DSP: variants seen among roughly 807,000 people sequenced by gnomAD.
DSP encodes the protein 250/210 kDa paraneoplastic pemphigus antigen.
A neutral mutation model predicts 290.6 loss-of-function variants in DSP; 114 were observed. The ratio of observed to expected loss-of-function variants is 0.39; its 90% confidence interval spans 0.34 to 0.46. DSP has a LOEUF of 0.46. Ranked by LOEUF, DSP falls within the 20% of genes least tolerant of loss-of-function variation. The pLI is 0.99. For missense variants in DSP, 3,230 were observed against 3,495.8 expected, an observed-to-expected ratio of 0.92 and a Z score of 1.92; for synonymous variants, 1,311 against 1,316.4, an observed-to-expected ratio of 1.00 and a Z score of 0.09.
intron 1 of DSP, among the ~76,000 whole-genome samples, chr6:7,554,180 AAGGT>A (rs1391524969): frequency 6.6e-6 from 1 of 150,514 alleles, no homozygotes; most frequent in Non-Finnish European, 1.5e-5. Context: ...GCCCTGGCTG[AAGGT>A]AGGAAGAGCC....
intron 18 of DSP, among the ~76,000 whole-genome samples, chr6:7,575,710 AG>A (rs1759221212): frequency 6.6e-6 from 1 of 152,226 alleles, no homozygotes; most frequent in South Asian, 2.1e-4. Flanking sequence ...GGTGCCATCC[AG>A]GGTCTTAGAG....
intron 1 of DSP, among the ~76,000 whole-genome samples, chr6:7,548,123 T>C (rs1481457006): frequency 6.6e-6 from 1 of 151,976 alleles, no homozygotes; most frequent in East Asian, 1.9e-4. Context: ...AAAAATTAGC[T>C]GGGCGTGGTG....
chr6:7,585,046 C>T lies in DSP; in HGVS notation c.7784C>T (p.Thr2595Ile), dbSNP rs772951950. The T allele has an allele frequency of 1.6e-5, 26 of 1,614,084 alleles. No individual in the cohort carries two copies. The highest frequency in any genetic ancestry group is 2.0e-5 in the Non-Finnish European group (24 of 1,180,048). Residue 2595 changes from threonine to isoleucine, a missense_variant, in exon 24 of 24, where the codon ACC (threonine) becomes ATC (isoleucine). Around this residue, in one of 5 missense-constraint regions of DSP, gnomAD observed 582 missense variants for 555.4 expected, o/e 1.05. Transcript: ENST00000379802. Reference sequence around the variant, plus strand: ...CATGAATCAGTAAGTAAGATTTCCACCATATCCAGCGTCAGGAATTTAACC... The same window carrying T: ...CATGAATCAGTAAGTAAGATTTCCATCATATCCAGCGTCAGGAATTTAACC... ...SRHESVSKIS[T>I]ISSVRNLTIR...
chr6:7,583,180 A>C lies in DSP; in HGVS notation c.5918A>C (p.Lys1973Thr). 2 of 1,614,144 alleles carry C rather than the reference A, an allele frequency of 1.2e-6. No homozygotes were observed. The highest frequency in any genetic ancestry group is 1.7e-6 in the Non-Finnish European group (2 of 1,180,034). The change falls in exon 24 of 24, where the codon AAG (lysine) becomes ACG (threonine). Residue 1973 changes from lysine to threonine, a missense_variant. Transcript: ENST00000379802. The surrounding 1 kb of genome is among the most constrained non-coding windows in gnomAD (Gnocchi z 4.0). ...TSKLVFDGLR[K>T]KVTAMQLYEC... ...AAGCTGGTGTTTGATGGGCTGAGGA[A>C]GAAGGTGACAGCAATGCAGCTCTAT... is the stretch of plus-strand genomic sequence containing the variant.
rs151153655 is a variant in DSP, at chr6:7,542,061, C to T, written c.146C>T (p.Thr49Ile). ...TACTATTCTCGGCGCGGCGTGATCA[C>T]CGACCAGAACTCGGACGGCTACTGG... ...RMYYSRRGVI[T>I]DQNSDGYCQT... is the part of the protein sequence containing the mutation. Residue 49 changes from threonine (T) to isoleucine (I), a missense_variant, in exon 1 of 24, where the codon ACC becomes ATC. By Grantham distance (89) the Thr-to-Ile change is moderately conservative. This residue lies in a region of DSP where 646 missense variants were observed against 684.3 expected (regional missense o/e 0.94). Transcript: ENST00000379802. The T allele has an allele frequency of 1.3e-5, 20 of 1,568,254 alleles. No individual in the cohort carries two copies. Among genetic ancestry groups the T allele is most frequent in the Non-Finnish European group, 1.7e-5 (20 of 1,156,980 alleles).
Position 7,584,121 on chromosome 6 carries a change from A to G in DSP, c.6859A>G (p.Thr2287Ala). 1.2e-6 allele frequency: 2 copies of G among 1,614,156 alleles called. No homozygotes were observed. Among genetic ancestry groups the G allele is most frequent in the Non-Finnish European group, 1.7e-6 (2 of 1,180,024 alleles). The change falls in exon 24 of 24, where the codon ACT (threonine) becomes GCT (alanine). Residue 2287 changes from threonine to alanine, a missense_variant. Around this residue, in one of 5 missense-constraint regions of DSP, gnomAD observed 207 missense variants for 281.2 expected, o/e 0.74. Transcript: ENST00000379802. The surrounding 1 kb of genome is among the most constrained non-coding windows in gnomAD (Gnocchi z 6.4). ...AMKIGLVRPGTALELLEAQAA... is the reference protein window; with the variant it reads ...AMKIGLVRPGAALELLEAQAA... ...GAAAATTGGCTTAGTCCGACCTGGT[A>G]CTGCTCTGGAGTTGCTGGAAGCCCA...
chr6:7,585,977 G>A lies in DSP; in HGVS notation c.*99G>A. 1 of 1,215,040 alleles carries A rather than the reference G, an allele frequency of 8.2e-7. No homozygotes were observed. The highest frequency in any genetic ancestry group is 1.2e-6 in the Non-Finnish European group (1 of 838,668). 75.3% of individuals were successfully genotyped at this position (1,215,040 alleles called of 1,614,324 possible). On this transcript the variant is annotated 3_prime_UTR_variant, in exon 24 of 24. Coordinates refer to ENST00000379802, the MANE Select transcript of DSP (RefSeq NM_004415.4). ...AAAATCCCGGTGCTTGCAGTAGAGT[G>A]ATAGGACATTCTATGCTTACAGAAA...
rs1266442848 is a variant in DSP at position 7,585,106 on chromosome 6, A to T, written c.7844A>T (p.Glu2615Val). The T allele has an allele frequency of 6.2e-7, 1 of 1,614,192 alleles. No homozygotes were observed. The highest frequency in any genetic ancestry group is 1.7e-5 in the Admixed American group (1 of 60,026). The change falls in exon 24 of 24, where the codon GAA becomes GTA. Residue 2615 changes from glutamate to valine, a missense_variant. Glu to Val is a moderately radical substitution (Grantham distance 121). Around this residue, in one of 5 missense-constraint regions of DSP, gnomAD observed 582 missense variants for 555.4 expected, o/e 1.05. Transcript: ENST00000379802. ...RSSSFSDTLE[E>V]SSPIAAIFDT... ...AGCTCTTTTTCAGACACCCTGGAAG[A>T]ATCGAGCCCCATTGCAGCCATCTTT...
rs775679225 is a variant in DSP, at chr6:7,559,356, A to G, written c.553A>G (p.Lys185Glu). Residue 185 changes from lysine to glutamate, a missense_variant, in exon 4 of 24, where the codon AAA (lysine) becomes GAA (glutamate). Physicochemically the swap from Lys to Glu is moderately conservative, Grantham distance 56. Around this residue, in one of 5 missense-constraint regions of DSP, gnomAD observed 646 missense variants for 684.3 expected, o/e 0.94. Transcript: ENST00000379802. ...TGGCTCTGGCTGGGATGAGTTCACCAAACATGTCACCAGTGAATGTTTGGG... is the reference window on the plus strand; with the variant it reads ...TGGCTCTGGCTGGGATGAGTTCACCGAACATGTCACCAGTGAATGTTTGGG... ...QSGSGWDEFT[K>E]HVTSECLGWM... The G allele has an allele frequency of 2.5e-6, 4 of 1,613,452 alleles. No individual in the cohort carries two copies. The highest frequency in any genetic ancestry group is 3.4e-6 in the Non-Finnish European group (4 of 1,180,040).
At chr6:7,554,186 G>A (rs1055121660) in intron 1 of DSP, among the ~76,000 whole-genome samples, 1 of 150,814 alleles carries the variant, frequency 6.6e-6, no homozygotes, top group African/African-American at 2.4e-5. Context: ...GCTGAAGGTA[G>A]GAAGAGCCAA....
In DSP at chr6:7,571,488, G is replaced by T; in HGVS notation, c.1807G>T (p.Asp603Tyr). 2 of 1,614,212 alleles carry T rather than the reference G, an allele frequency of 1.2e-6. No homozygotes were observed. The highest frequency in any genetic ancestry group is 2.2e-5 in the South Asian group (2 of 91,088). The change falls in exon 14 of 24, where the codon GAT becomes TAT. Residue 603 changes from aspartate to tyrosine, a missense_variant. Asp to Tyr is a radical substitution (Grantham distance 160). This residue lies in a region of DSP where 81 missense variants were observed against 130.5 expected (regional missense o/e 0.62). Transcript: ENST00000379802. ...CCAAGGCTCAGAGATGTTTGGAGAT[G>T]ATGACAAGCGGAAAATACAGTCTCA... ...NSQGSEMFGD[D>Y]DKRKIQSQFT... is the part of the protein sequence containing the mutation.
At chr6:7,566,010 CT>C (rs1485869130) in intron 7 of DSP, among the ~76,000 whole-genome samples, 1 of 152,100 alleles carries the variant, frequency 6.6e-6, no homozygotes. Context: ...GGGGCAATAC[CT>C]TGTTTAATAT....
intron 1 of DSP, among the ~76,000 whole-genome samples, chr6:7,547,577 C>T (rs920624009): frequency 6.6e-6 from 1 of 151,538 alleles, no homozygotes. Context: ...CACAGGCGTG[C>T]GCCACCATAC....
Position 7,568,308 on chromosome 6 carries a change from G to GAT in DSP, c.1267-128_1267-127dup. On this transcript the variant is annotated intron_variant, in intron 10 of 23. Coordinates refer to ENST00000379802, the MANE Select transcript of DSP (RefSeq NM_004415.4). ...TCATGTTTCCTGCCGACGAATTTGT[G>GAT]ATTTTTTACAATTGATGCAACTGCA... The GAT allele has an allele frequency of 3.7e-6, 4 of 1,091,348 alleles. No individual in the cohort carries two copies. The South Asian group carries it at 5.4e-5, about 15-fold the overall frequency. 67.6% of individuals were successfully genotyped at this position (1,091,348 alleles called of 1,614,324 possible). A position where few individuals can be genotyped will look rare whatever the true frequency, so the allele number is the denominator to read the frequency against.
intron 7 of DSP, 65 bp from the exon 8 acceptor site, chr6:7,566,312 C>CTGTGGGGG (rs1561686083): frequency 7.7e-7 from 1 of 1,297,290 alleles, no homozygotes; most frequent in African/African-American, 1.5e-5. Flanking sequence ...TTAAAAAGTA[C>CTGTGGGGG]TGTGGGGGTG....
chr6:7,581,245 C>T lies in DSP; in HGVS notation c.5055C>T (p.Phe1685=), dbSNP rs754525264. The part of the protein sequence containing the change: ...VKQAHLRNEH[F]QKAIEDKSRS... ...AAGCTCACTTGAGGAATGAGCATTT[C>T]CAGAAGGCGATAGAAGATAAAAGCA... The change falls in exon 23 of 24, where the codon TTC becomes TTT. Residue 1685 remains phenylalanine (F), a synonymous_variant. Transcript: ENST00000379802. 6.2e-7 allele frequency: 1 copy of T among 1,614,080 alleles called. No individual in the cohort carries two copies. Among genetic ancestry groups the T allele is most frequent in the East Asian group, 2.2e-5 (1 of 44,886 alleles).
rs1183340039 is a variant in DSP at position 7,567,274 on chromosome 6, T to C, written c.1045-80T>C. The C allele has an allele frequency of 6.2e-6, 7 of 1,137,520 alleles. No homozygotes were observed. In the East Asian group the frequency reaches 1.4e-4, roughly 23 times the overall value. The allele number at this position is 1,137,520 out of a possible 1,614,324, so 70.5% of individuals were successfully genotyped here. ...GATAAAAACTGCTTACTAGCTTTCATGCAGGCTCACCTATCTCTTGGTGTT... is the reference window on the plus strand; with the variant it reads ...GATAAAAACTGCTTACTAGCTTTCACGCAGGCTCACCTATCTCTTGGTGTT... On this transcript the variant is annotated intron_variant, in intron 8 of 23. Coordinates refer to ENST00000379802, the MANE Select transcript of DSP (RefSeq NM_004415.4).
chr6:7,564,492 G>A (rs552673247), intron 6 of DSP, among the ~76,000 whole-genome samples: 15 of 152,280 alleles, frequency 9.9e-5, no homozygotes, highest in Middle Eastern at 3.4e-3. Context: ...AATTTTTGGG[G>A]AGAAGGTAGG....
chr6:7,569,343 A>G lies in DSP; in HGVS notation c.1574+3A>G, dbSNP rs1231896749. 5 of 1,614,060 alleles carry G rather than the reference A, an allele frequency of 3.1e-6. No homozygotes were observed. In the African/African-American group the frequency reaches 6.7e-5, roughly 22 times the overall value. Reference sequence around the variant, plus strand: ...CTGGCCGTGGACCTCTCTTGCAAGTAAGTCATCCAAGTTCCCAAAGCCACG... The same window carrying G: ...CTGGCCGTGGACCTCTCTTGCAAGTGAGTCATCCAAGTTCCCAAAGCCACG... On this transcript the variant is annotated splice_donor_region_variant and intron_variant, in intron 12 of 23. Coordinates refer to ENST00000379802, the MANE Select transcript of DSP (RefSeq NM_004415.4).
Sources: allele counts gnomAD v4.1 joint callset (sites outside exome capture counted in the v4.1 genomes callset), GRCh38; gene constraint gnomAD v4.1.1; regional missense constraint gnomAD v4.1.1; non-coding constraint Gnocchi (gnomAD v3.1); transcripts MANE v1.5; gene names NCBI Gene and HGNC (gene_info 2026-07-23, HGNC 2026-07-21).